Variants in ESCO1 observed in about 807,000 individuals in gnomAD.
ESCO1 encodes N-acetyltransferase ESCO1.
In ESCO1, 33 loss-of-function variants were observed where a neutral mutation model predicts 83.5. That is an observed-to-expected ratio of 0.40 (90% confidence interval 0.30 to 0.53). ESCO1 has a LOEUF of 0.53. Ranked by LOEUF, ESCO1 falls within the 20% of genes least tolerant of loss-of-function variation. The pLI, the probability that ESCO1 is intolerant of heterozygous loss-of-function variation, is 0.63. For synonymous variants in ESCO1, 332 were observed against 324.3 expected, an observed-to-expected ratio of 1.02 and a Z score of -0.25; for missense variants, 855 against 968.0, an observed-to-expected ratio of 0.88 and a Z score of 1.55.
intron 9 of ESCO1, among the ~76,000 whole-genome samples, chr18:21,539,320 C>T (rs2037874662): frequency 6.6e-6 from 1 of 152,026 alleles, no homozygotes; most frequent in South Asian, 2.1e-4. Context: ...TGGCATTATT[C>T]ACTTAACAGA....
chr18:21,592,411 G>A (rs988174304), intron 1 of ESCO1, among the ~76,000 whole-genome samples: 1 of 143,810 alleles, frequency 7.0e-6, no homozygotes, highest in African/African-American at 2.6e-5. Context: ...AGATGGGGCG[G>A]CTGGCCGGGC....
chr18:21,577,592 G>A (rs1248075348), intron 2 of ESCO1, among the ~76,000 whole-genome samples: 3 of 150,790 alleles, frequency 2.0e-5, no homozygotes, highest in Non-Finnish European at 3.0e-5. Flanking sequence ...TCCAGGAGGC[G>A]GAGCTTGCAG....
rs143729149 is a variant in ESCO1, at chr18:21,586,995, A to G, written c.-824-2555T>C. Among the ~76,000 whole-genome samples, 17 of 152,318 alleles carry G rather than the reference A, an allele frequency of 1.1e-4. No homozygotes were observed. In the East Asian group the frequency reaches 3.3e-3, roughly 29 times the overall value. ...ATTTTTTTTCTGCATCTATTGAGGT[A>G]ATCATGTCCGTTTCTTTCCTTTATT... On this transcript the variant is annotated intron_variant, in intron 1 of 11. Transcript: ENST00000269214.
chr18:21,535,441 G>A (rs1034773781), intron 10 of ESCO1, among the ~76,000 whole-genome samples: 2 of 151,086 alleles, frequency 1.3e-5, no homozygotes, highest in Admixed American at 6.6e-5. Context: ...GGAGTGCAGT[G>A]GCGCAATCTT....
intron 8 of ESCO1, chr18:21,540,669 G>A (rs1435413166): frequency 2.3e-6 from 3 of 1,324,140 alleles, no homozygotes; most frequent in African/African-American, 1.5e-5. Context: ...CTCTTCTTCA[G>A]ATCCACACTC....
At chr18:21,585,349 C>T (rs1018956222) in intron 1 of ESCO1, among the ~76,000 whole-genome samples, 2 of 152,110 alleles carry the variant, frequency 1.3e-5, no homozygotes, top group African/African-American at 4.8e-5. Context: ...CTGACCTGAT[C>T]GTCTTGGCCA....
chr18:21,572,460 C>T (rs2038353765), intron 4 of ESCO1, among the ~76,000 whole-genome samples: 1 of 152,228 alleles, frequency 6.6e-6, no homozygotes, highest in African/African-American at 2.4e-5. Flanking sequence ...TTTCAGTTTA[C>T]TTTTCCATTT....
intron 1 of ESCO1, among the ~76,000 whole-genome samples, chr18:21,599,479 T>C (rs1453151975): frequency 6.6e-6 from 1 of 152,230 alleles, no homozygotes; most frequent in African/African-American, 2.4e-5. Flanking sequence ...ATCTATGTTT[T>C]ATCCACTTTT....
intron 4 of ESCO1, among the ~76,000 whole-genome samples, chr18:21,571,158 G>T (rs760366832): frequency 6.6e-6 from 1 of 151,922 alleles, no homozygotes; most frequent in African/African-American, 2.4e-5. Context: ...ATTTCAAACC[G>T]TAAGATTTTT....
Position 21,574,269 on chromosome 18 carries a change from A to G in ESCO1, c.575T>C (p.Leu192Pro). The G allele has an allele frequency of 6.2e-7, 1 of 1,613,740 alleles. No individual in the cohort carries two copies. Among genetic ancestry groups the G allele is most frequent in the Non-Finnish European group, 8.5e-7 (1 of 1,179,964 alleles). ...AGAATTTATTACTTCATTAATTACT[A>G]GATTTTCATCTTCTTTAGAGTCAGA... ...VKSDSKEDEN[L>P]VINEVINSPK... is the part of the protein sequence containing the mutation. Residue 192 changes from leucine (L) to proline (P), a missense_variant, in exon 4 of 12, where the codon CTA (leucine) becomes CCA (proline). Physicochemically the swap from Leu to Pro is moderately conservative, Grantham distance 98. This residue lies in a region of ESCO1 where 726 missense variants were observed against 699.5 expected (regional missense o/e 1.04). Transcript: ENST00000269214.
chr18:21,539,149 TAA>T (rs1343452423), intron 9 of ESCO1, among the ~76,000 whole-genome samples: 2 of 152,126 alleles, frequency 1.3e-5, no homozygotes, highest in African/African-American at 2.4e-5. Context: ...ATTATAAGAT[TAA>T]GTCATGTTTA....
chr18:21,531,893 C>CAAAA (rs10646843), intron 11 of ESCO1, among the ~76,000 whole-genome samples: 1,134 of 79,654 alleles, frequency 0.014, 36 homozygotes, highest in East Asian at 0.039. Flanking sequence ...GACTCCATCT[C>CAAAA]AAAAAAAAAA....
At position 21,587,468 on chromosome 18, in the gene ESCO1, A is replaced by C. The variant is rs550482715; in HGVS notation, c.-824-3028T>G. ...CAGATTTTCTATTTCTTCTTGAGTC[A>C]GTTTATAAGAACTTGTCTATTTTAT... On this transcript the variant is annotated intron_variant, in intron 1 of 11. Transcript: ENST00000269214. 2.6e-5 allele frequency among the ~76,000 whole-genome samples: 4 copies of C among 152,256 alleles called. No individual in the cohort carries two copies. In the South Asian group the frequency reaches 8.3e-4, roughly 32 times the overall value.
At chr18:21,553,580 G>A (rs2038073401) in intron 8 of ESCO1, among the ~76,000 whole-genome samples, 1 of 151,854 alleles carries the variant, frequency 6.6e-6, no homozygotes, top group South Asian at 2.1e-4. Context: ...TTACCTGGCT[G>A]GACACAGTGG....
At chr18:21,567,589 G>A (rs1202682864) in intron 5 of ESCO1, among the ~76,000 whole-genome samples, 3 of 152,116 alleles carry the variant, frequency 2.0e-5, no homozygotes, top group African/African-American at 4.8e-5. Flanking sequence ...GGATCATTCA[G>A]ATGGAAAACT....
At chr18:21,533,239 T>C (rs1002637505) in intron 10 of ESCO1, among the ~76,000 whole-genome samples, 7 of 151,880 alleles carry the variant, frequency 4.6e-5, no homozygotes, top group African/African-American at 1.7e-4. Context: ...GGGAAAAAAA[T>C]AAAAAATAAA....
chr18:21,575,518 G>A, intron 3 of ESCO1, 88 bp from the exon 4 acceptor site: 1 of 398,126 alleles, frequency 2.5e-6, no homozygotes, highest in Non-Finnish European at 4.4e-6. Flanking sequence ...CTTGATTTAA[G>A]GAAAATCTAA....
chr18:21,542,291 A>G (rs1568093492), intron 8 of ESCO1, among the ~76,000 whole-genome samples: 2 of 152,134 alleles, frequency 1.3e-5, no homozygotes, highest in Non-Finnish European at 2.9e-5. Flanking sequence ...GGCTCAAGCA[A>G]TCCTCTTGCT....
chr18:21,600,146 G>C (rs1156662823), intron 1 of ESCO1, among the ~76,000 whole-genome samples: 1 of 152,264 alleles, frequency 6.6e-6, no homozygotes, highest in East Asian at 1.9e-4. Flanking sequence ...GGTTGCGCCA[G>C]GAGGCGGCGA....
Sources: allele counts gnomAD v4.1 joint callset (sites outside exome capture counted in the v4.1 genomes callset), GRCh38; gene constraint gnomAD v4.1.1; regional missense constraint gnomAD v4.1.1; transcripts MANE v1.5; gene names NCBI Gene and HGNC (gene_info 2026-07-23, HGNC 2026-07-21).